EXOC1: variants seen among roughly 807,000 people sequenced by gnomAD.
EXOC1 encodes the protein exocyst complex component 1.
In EXOC1, 67 loss-of-function variants were observed where a neutral mutation model predicts 107.7. The observed-to-expected ratio is 0.62, with a 90% CI of 0.51 to 0.76. The LOEUF (loss-of-function observed/expected upper bound fraction) is 0.76, where lower values mean the gene tolerates loss of function less well. EXOC1 is among the 30% of genes least tolerant of loss of function. The probability of loss-of-function intolerance (pLI) is 0.00; values close to 1 mark genes in which losing one functional copy is unlikely to be tolerated. For missense variants in EXOC1, 833 were observed against 1,055.7 expected (o/e 0.79, Z 2.92); for synonymous variants, 348 against 353.5 (o/e 0.98, Z 0.17).
chr4:55,870,627 T>TG (rs771991374), intron 5 of EXOC1, 51 bp from the exon 6 acceptor site: 9 of 1,499,848 alleles, frequency 6.0e-6, no homozygotes, highest in South Asian at 1.1e-5. Context: ...ACAAGTATGT[T>TG]TTTTGTTTGT....
At chr4:55,897,768 A>T (rs1057253654) in intron 16 of EXOC1, among the ~76,000 whole-genome samples, 1 of 152,134 alleles carries the variant, frequency 6.6e-6, no homozygotes, top group Non-Finnish European at 1.5e-5. Context: ...GGCAGGCATC[A>T]TCACGCCTGG....
chr4:55,899,077 T>TC (rs1324668257), intron 16 of EXOC1, among the ~76,000 whole-genome samples: 4 of 152,150 alleles, frequency 2.6e-5, no homozygotes, highest in African/African-American at 9.6e-5. Context: ...TTTTTATTCT[T>TC]TGTCAACCTG....
intron 1 of EXOC1, 57 bp from the exon 2 acceptor site, chr4:55,858,257 G>C: frequency 1.4e-6 from 2 of 1,480,154 alleles, no homozygotes; most frequent in East Asian, 4.8e-5. Context: ...AAATTCAGAA[G>C]TATAAGATGG....
intron 16 of EXOC1, 126 bp downstream of exon 16, chr4:55,897,026 T>C: frequency 1.3e-6 from 1 of 741,864 alleles, no homozygotes; most frequent in Non-Finnish European, 2.0e-6. Context: ...TTTTCTAACA[T>C]TAAAGATTTC....
chr4:55,866,649 T>G (rs1721982559), intron 4 of EXOC1, among the ~76,000 whole-genome samples: 1 of 152,134 alleles, frequency 6.6e-6, no homozygotes, highest in Non-Finnish European at 1.5e-5. Flanking sequence ...ATAAATATAT[T>G]TGTAGTCACT....
chr4:55,871,518 G>T (rs776729145), intron 7 of EXOC1, among the ~76,000 whole-genome samples: 3 of 152,192 alleles, frequency 2.0e-5, no homozygotes, highest in Non-Finnish European at 4.4e-5. Flanking sequence ...TTAGACGAGA[G>T]CAATTATTTC....
chr4:55,865,998 A>G (rs140218454), intron 4 of EXOC1, among the ~76,000 whole-genome samples: 231 of 152,280 alleles, frequency 1.5e-3, no homozygotes, highest in Admixed American at 3.3e-3. Flanking sequence ...GCTTTGGTTT[A>G]GTGGAGTTCA....
At chr4:55,854,903 A>G (rs1038572866) in intron 1 of EXOC1, among the ~76,000 whole-genome samples, 3 of 152,252 alleles carry the variant, frequency 2.0e-5, no homozygotes, top group Non-Finnish European at 4.4e-5. Flanking sequence ...CTTGAGATAG[A>G]GAAGCTTATG....
intron 5 of EXOC1, among the ~76,000 whole-genome samples, chr4:55,870,047 T>A (rs1577708349): frequency 6.6e-6 from 1 of 152,164 alleles, no homozygotes; most frequent in Non-Finnish European, 1.5e-5. Flanking sequence ...TGTTACTGCT[T>A]TGCCTGGGGA....
chr4:55,903,108 C>T (rs1376828260), intron 18 of EXOC1, among the ~76,000 whole-genome samples: 2 of 147,222 alleles, frequency 1.4e-5, no homozygotes, highest in Admixed American at 6.9e-5. Context: ...CCTACCACTG[C>T]ACTCCAGCCT....
intron 11 of EXOC1, 115 bp downstream of exon 11, chr4:55,889,047 G>C (rs1036735530): frequency 2.1e-6 from 2 of 969,954 alleles, no homozygotes; most frequent in Non-Finnish European, 1.6e-6. Context: ...TGAATTGCCA[G>C]GTATTGGTGA....
intron 8 of EXOC1, among the ~76,000 whole-genome samples, chr4:55,874,548 A>G (rs1193705826): frequency 6.6e-6 from 1 of 152,154 alleles, no homozygotes. Flanking sequence ...AACATCTTGC[A>G]TTTGGGAATG....
At chr4:55,885,114 C>CT (rs893963209) in intron 10 of EXOC1, among the ~76,000 whole-genome samples, 36 of 147,244 alleles carry the variant, frequency 2.4e-4, no homozygotes, top group Admixed American at 4.8e-4. Context: ...ATATGTTATG[C>CT]TTTTTTTTTT....
intron 8 of EXOC1, among the ~76,000 whole-genome samples, 161 bp downstream of exon 8, chr4:55,872,119 A>G (rs533277104): frequency 2.2e-4 from 34 of 152,250 alleles, no homozygotes; most frequent in Non-Finnish European, 4.0e-4. Flanking sequence ...TTGCTCATAG[A>G]TGTACTTTGG....
intron 15 of EXOC1, among the ~76,000 whole-genome samples, chr4:55,895,567 G>A (rs1468592430): frequency 1.3e-5 from 2 of 152,138 alleles, no homozygotes; most frequent in Non-Finnish European, 2.9e-5. Flanking sequence ...TCTAATCCAT[G>A]TGTCATATGG....
In EXOC1 at chr4:55,902,543, G is replaced by T. The variant is rs764475824; in HGVS notation, c.2532+5G>T. ...GAAGAAGAGAACTTACTTCAGGTAT[G>T]CTTACTTCTTTTGACCATCTGACTT... On this transcript the variant is annotated splice_donor_5th_base_variant and intron_variant, in intron 18 of 18. Coordinates refer to ENST00000381295, the MANE Select transcript of EXOC1 (RefSeq NM_001024924.2). 16 of 1,464,646 alleles carry T rather than the reference G, an allele frequency of 1.1e-5. No homozygotes were observed. The highest frequency in any genetic ancestry group is 1.4e-5 in the Non-Finnish European group (16 of 1,110,934). 90.7% of individuals were successfully genotyped at this position (1,464,646 alleles called of 1,614,324 possible). A position where few individuals can be genotyped will look rare whatever the true frequency, so the allele number is the denominator to read the frequency against.
chr4:55,898,034 C>T (rs1412580602), intron 16 of EXOC1, among the ~76,000 whole-genome samples: 4 of 152,118 alleles, frequency 2.6e-5, no homozygotes, highest in Non-Finnish European at 4.4e-5. Flanking sequence ...GTTGGGGGAT[C>T]GCTTGAGCCC....
At chr4:55,879,243 A>G (rs765082624) in intron 9 of EXOC1, among the ~76,000 whole-genome samples, 6 of 152,230 alleles carry the variant, frequency 3.9e-5, no homozygotes, top group Non-Finnish European at 8.8e-5. Flanking sequence ...GAGGAGACAG[A>G]CAGACAAAAA....
At chr4:55,872,635 A>G (rs568561870) in intron 8 of EXOC1, 56 of 216,058 alleles carry the variant, frequency 2.6e-4, no homozygotes, top group Middle Eastern at 4.7e-3. Flanking sequence ...AGAATGAAAA[A>G]AAATTGGGGG....
Sources: allele counts gnomAD v4.1 joint callset (sites outside exome capture counted in the v4.1 genomes callset), GRCh38; gene constraint gnomAD v4.1.1; transcripts MANE v1.5; gene names NCBI Gene and HGNC (gene_info 2026-07-23, HGNC 2026-07-21).